The following DNM3 variants were observed in gnomAD, a reference collection of about 807,000 sequenced individuals.
The protein encoded by DNM3 is dynamin-3.
Under a neutral mutation model 101.6 loss-of-function variants are expected in DNM3, and 47 were observed. The ratio of observed to expected loss-of-function variants is 0.46; its 90% CI spans 0.37 to 0.59. The LOEUF is 0.59. Ranked by LOEUF, DNM3 falls within the 20% of genes least tolerant of loss-of-function variation. The pLI is 0.00. For synonymous variants in DNM3, 385 were observed against 387.9 expected (o/e 0.99, Z 0.09); for missense variants, 849 against 1,085.7 (o/e 0.78, Z 3.06).
At chr1:172,170,973 G>A (rs554968670) in intron 14 of DNM3, among the ~76,000 whole-genome samples, 10 of 151,852 alleles carry the variant, frequency 6.6e-5, no homozygotes, top group South Asian at 4.2e-4. Flanking sequence ...AAATAGTGAC[G>A]TTATTTTTCA....
rs767838577 is a variant in DNM3, at chr1:172,202,717, TAAG to T, written c.1660-50847_1660-50845del. Among the ~76,000 whole-genome samples the T allele has an allele frequency of 2.1e-3, 320 of 152,274 alleles. 2 individuals are homozygous for T. The highest frequency in any genetic ancestry group is 2.6e-3 in the Non-Finnish European group (174 of 68,012). ...ACTATGTCTGAGAACACCACAGATATAAGAAGAAGAACATAAGACTATTATTTA... is the reference window on the plus strand; with the variant it reads ...ACTATGTCTGAGAACACCACAGATATAAGAAGAACATAAGACTATTATTTA... On this transcript the variant is annotated intron_variant, in intron 14 of 20. Transcript: ENST00000627582.
chr1:172,309,793 G>T (rs1026901752), intron 16 of DNM3: 1 of 152,156 alleles, frequency 6.6e-6, no homozygotes, highest in Non-Finnish European at 1.5e-5. Flanking sequence ...TTTCTAGGGG[G>T]GTTTCAGGGC....
intron 14 of DNM3, among the ~76,000 whole-genome samples, chr1:172,209,459 A>G (rs969210223): frequency 6.6e-6 from 1 of 152,076 alleles, no homozygotes; most frequent in Non-Finnish European, 1.5e-5. Context: ...ACTAGATATG[A>G]TTCTGGTTTA....
intron 16 of DNM3, chr1:172,310,749 G>C (rs2065044887): frequency 6.6e-6 from 1 of 152,310 alleles, no homozygotes; most frequent in African/African-American, 2.4e-5. Context: ...AACAAGGAAA[G>C]AGGTCAGGGA....
chr1:172,406,798 A>G (rs1344681400), intron 20 of DNM3, among the ~76,000 whole-genome samples: 1 of 152,044 alleles, frequency 6.6e-6, no homozygotes, highest in Non-Finnish European at 1.5e-5. Flanking sequence ...TTTCTAATAC[A>G]GAAGAAAAAT....
chr1:172,316,778 A>C (rs1254042620), intron 16 of DNM3, among the ~76,000 whole-genome samples: 2 of 152,128 alleles, frequency 1.3e-5, no homozygotes, highest in East Asian at 3.9e-4. Flanking sequence ...AGACTCCCAC[A>C]CAATAATAAT....
intron 1 of DNM3, among the ~76,000 whole-genome samples, chr1:171,866,680 CT>C (rs1253195715): frequency 6.6e-6 from 1 of 151,746 alleles, no homozygotes; most frequent in Non-Finnish European, 1.5e-5. Flanking sequence ...TTTTCATATG[CT>C]TTTCTTTTTT....
intron 1 of DNM3, among the ~76,000 whole-genome samples, chr1:171,884,680 A>G (rs2036607155): frequency 6.6e-6 from 1 of 152,146 alleles, no homozygotes. Context: ...TGACTGGGAT[A>G]CCTCACTTAT....
intron 14 of DNM3, among the ~76,000 whole-genome samples, chr1:172,168,084 A>G (rs1226242593): frequency 3.3e-5 from 5 of 152,054 alleles, no homozygotes; most frequent in Non-Finnish European, 7.4e-5. Flanking sequence ...ATTTTCCTCA[A>G]CATTAGCACA....
chr1:172,041,202 G>T (rs766391975), intron 7 of DNM3, among the ~76,000 whole-genome samples: 6 of 152,246 alleles, frequency 3.9e-5, no homozygotes, highest in Admixed American at 2.0e-4. Context: ...AGTGTCAGTA[G>T]GTGTGAGGAG....
rs141643910 is a variant in DNM3, at chr1:171,876,596, C to A, written c.161+34779C>A. Reference sequence around the variant, plus strand: ...GTGTCTTTTCCTTCTTCCAGGCTAACCTCCAAGTGGATTAGGATCATGTTA... The same window carrying A: ...GTGTCTTTTCCTTCTTCCAGGCTAAACTCCAAGTGGATTAGGATCATGTTA... On this transcript the variant is annotated intron_variant, in intron 1 of 20. Coordinates refer to ENST00000627582, the MANE Select transcript of DNM3 (RefSeq NM_015569.5). Among the ~76,000 whole-genome samples, 340 of 152,256 alleles carry A rather than the reference C, an allele frequency of 2.2e-3. 2 individuals are homozygous for A. The highest frequency in any genetic ancestry group is 7.9e-3 in the African/African-American group (328 of 41,544).
chr1:172,107,275 A>T lies in DNM3; in HGVS notation c.1545+14400A>T, dbSNP rs145964444. The stretch of plus-strand genomic sequence containing the variant: ...AAAATACTGTGTACTTTATTCCTGC[A>T]TATCTCAATTTGCTAAATAAAACAA... On this transcript the variant is annotated intron_variant, in intron 13 of 20. Coordinates refer to ENST00000627582, the MANE Select transcript of DNM3 (RefSeq NM_015569.5). Among the ~76,000 whole-genome samples the T allele has an allele frequency of 8.8e-3, 1,348 of 152,320 alleles. 10 individuals are homozygous for T. Among genetic ancestry groups the T allele is most frequent in the Middle Eastern group, 0.048 (14 of 294 alleles).
intron 14 of DNM3, among the ~76,000 whole-genome samples, chr1:172,189,393 C>G (rs901398015): frequency 6.6e-6 from 1 of 151,942 alleles, no homozygotes; most frequent in African/African-American, 2.4e-5. Flanking sequence ...TACAAGATAA[C>G]TTGCTATTAT....
chr1:172,235,368 G>A (rs2061499184), intron 14 of DNM3, among the ~76,000 whole-genome samples: 1 of 152,166 alleles, frequency 6.6e-6, no homozygotes, highest in Non-Finnish European at 1.5e-5. Context: ...AGAGGATGTG[G>A]AGAAACAGGA....
At chr1:171,951,535 A>G (rs1022835613) in intron 2 of DNM3, among the ~76,000 whole-genome samples, 8 of 152,198 alleles carry the variant, frequency 5.3e-5, no homozygotes, top group Admixed American at 3.3e-4. Flanking sequence ...CTAGTGGTCA[A>G]TGAGCATCTT....
At chr1:172,316,803 C>A (rs1394952800) in intron 16 of DNM3, among the ~76,000 whole-genome samples, 2 of 152,114 alleles carry the variant, frequency 1.3e-5, no homozygotes, top group East Asian at 1.9e-4. Context: ...GACTTTAACA[C>A]CCCACTGTTA....
chr1:171,846,823 T>C (rs4916403), intron 1 of DNM3, among the ~76,000 whole-genome samples: 93,061 of 152,068 alleles, frequency 0.61, 28,816 homozygotes, highest in East Asian at 0.8. Context: ...TAAATACATT[T>C]TATAAAGTAG....
intron 14 of DNM3, among the ~76,000 whole-genome samples, chr1:172,212,397 T>C (rs894305559): frequency 6.6e-6 from 1 of 152,162 alleles, no homozygotes; most frequent in East Asian, 1.9e-4. Flanking sequence ...AGTTCTGAAA[T>C]AGAAGTTGAT....
chr1:171,848,868 G>A (rs1185297595), intron 1 of DNM3, among the ~76,000 whole-genome samples: 4 of 152,096 alleles, frequency 2.6e-5, no homozygotes, highest in Admixed American at 1.3e-4. Flanking sequence ...ATTTAATTCC[G>A]GAATTATATG....
Sources: gnomAD v4.1 joint callset for allele counts (sites outside exome capture counted in the v4.1 genomes callset) on GRCh38, gnomAD v4.1.1 for gene constraint, MANE v1.5 for transcripts, NCBI Gene and HGNC (gene_info 2026-07-23, HGNC 2026-07-21) for gene names.